The following ABCB1 variants were observed in gnomAD, a reference collection of about 807,000 sequenced individuals.
ABCB1 encodes the protein ATP binding cassette subfamily B member 1, also known as ATP-dependent translocase ABCB1.
Under a neutral mutation model 142.0 loss-of-function variants are expected in ABCB1, and 69 were observed. That is an observed-to-expected ratio of 0.49 (90% CI 0.40 to 0.59). The LOEUF (loss-of-function observed/expected upper bound fraction) is 0.59. Among genes scored for constraint, ABCB1 ranks in the 20% least tolerant of loss-of-function variants. The probability of loss-of-function intolerance (pLI) is 0.00; values close to 1 mark genes in which losing one functional copy is unlikely to be tolerated. For synonymous variants in ABCB1, 532 were observed against 539.2 expected, an observed-to-expected ratio of 0.99 and a Z score of 0.18; for missense variants, 1,326 against 1,554.7, an observed-to-expected ratio of 0.85 and a Z score of 2.47.
chr7:87,527,908 G>T (rs1815860394), intron 21 of ABCB1, among the ~76,000 whole-genome samples: 1 of 152,124 alleles, frequency 6.6e-6, no homozygotes, highest in Admixed American at 6.6e-5. Flanking sequence ...CCAAGATTGG[G>T]TAATTTATAA....
At chr7:87,640,521 A>G (rs1351580258) in intron 1 of ABCB1, among the ~76,000 whole-genome samples, 1 of 151,288 alleles carries the variant, frequency 6.6e-6, no homozygotes, top group Non-Finnish European at 1.5e-5. Context: ...TTTTTTTTTT[A>G]ATTTGTAGAT....
chr7:87,520,298 G>T (rs1000364335), intron 22 of ABCB1, among the ~76,000 whole-genome samples: 5 of 152,056 alleles, frequency 3.3e-5, no homozygotes, highest in African/African-American at 1.2e-4. Context: ...CAGAAAGGTT[G>T]GGCTTGCTTA....
intron 1 of ABCB1, among the ~76,000 whole-genome samples, chr7:87,650,558 C>T (rs560215658): frequency 6.6e-6 from 1 of 152,236 alleles, no homozygotes; most frequent in South Asian, 2.1e-4. Flanking sequence ...AATACTATTG[C>T]TTTGGAGATT....
chr7:87,596,637 G>A (rs1047332247), intron 2 of ABCB1, among the ~76,000 whole-genome samples: 1 of 152,026 alleles, frequency 6.6e-6, no homozygotes, highest in Non-Finnish European at 1.5e-5. Flanking sequence ...AACTATTTTA[G>A]AAAAGATTTG....
In ABCB1 at chr7:87,553,863, T is replaced by C; in HGVS notation, c.897A>G (p.Ile299Met). 2 of 1,614,084 alleles carry C rather than the reference T, an allele frequency of 1.2e-6. No individual in the cohort carries two copies. The highest frequency in any genetic ancestry group is 1.7e-6 in the Non-Finnish European group (2 of 1,179,942). Residue 299 changes from isoleucine (I) to methionine (M), a missense_variant, in exon 9 of 28, where the codon ATA (isoleucine) becomes ATG (methionine). Transcript: ENST00000622132. ...IKKAITANIS[I>M]GAAFLLIYAS... ...CATAGATCAGCAGGAAAGCAGCACC[T>C]ATAGAAATATTGGCTGTAATAGCTT...
intron 20 of ABCB1, among the ~76,000 whole-genome samples, chr7:87,532,051 G>A (rs1297231147): frequency 6.6e-6 from 1 of 152,154 alleles, no homozygotes; most frequent in African/African-American, 2.4e-5. Context: ...ACTTTCACTA[G>A]TGTGCACTGA....
chr7:87,510,267 A>G (rs1387590294), intron 25 of ABCB1, among the ~76,000 whole-genome samples: 2 of 152,260 alleles, frequency 1.3e-5, no homozygotes, highest in East Asian at 1.9e-4. Context: ...GAAATAAATA[A>G]CAACTATGAC....
At chr7:87,712,198 G>T (rs1830147581) in intron 1 of ABCB1, among the ~76,000 whole-genome samples, 1 of 152,014 alleles carries the variant, frequency 6.6e-6, no homozygotes, top group East Asian at 1.9e-4. Context: ...AGAAATATTT[G>T]CATAAAGTAA....
chr7:87,572,855 T>C (rs532204845), intron 4 of ABCB1, among the ~76,000 whole-genome samples: 4 of 125,414 alleles, frequency 3.2e-5, no homozygotes, highest in African/African-American at 1.2e-4. Context: ...TGAGAACACA[T>C]GGACACACAG....
In ABCB1 at chr7:87,531,494, T is replaced by C. The variant is rs2032581; in HGVS notation, c.2485A>G (p.Ile829Val). 6.2e-6 allele frequency: 10 copies of C among 1,612,766 alleles called. No homozygotes were observed. The highest frequency in any genetic ancestry group is 1.7e-5 in the Admixed American group (1 of 59,928). ...ANDAAQVKGA[I>V]GSRLAVITQN... Reference sequence around the variant, plus strand: ...GTAATTACAGCAAGCCTGGAACCTATAGCCTGCAAAACAAAACAAATTAGA... The same window carrying C: ...GTAATTACAGCAAGCCTGGAACCTACAGCCTGCAAAACAAAACAAATTAGA... Residue 829 changes from isoleucine to valine, a missense_variant, in exon 21 of 28, where the codon ATA becomes GTA. Physicochemically the swap from Ile to Val is conservative, Grantham distance 29. Coordinates refer to ENST00000622132, the MANE Select transcript of ABCB1 (RefSeq NM_001348946.2).
At chr7:87,628,685 C>T in intron 1 of ABCB1, 1 of 504,636 alleles carries the variant, frequency 2.0e-6, no homozygotes, top group Non-Finnish European at 3.1e-6. Context: ...CTGTCTTCCA[C>T]ACCCTTCCTC....
At chr7:87,686,899 T>C (rs2130622188) in intron 1 of ABCB1, among the ~76,000 whole-genome samples, 1 of 151,088 alleles carries the variant, frequency 6.6e-6, no homozygotes, top group Middle Eastern at 3.4e-3. Context: ...TGAGCCATGA[T>C]TGTGCCACTC....
chr7:87,659,819 T>G (rs978686857), intron 1 of ABCB1, among the ~76,000 whole-genome samples: 5 of 152,190 alleles, frequency 3.3e-5, no homozygotes, highest in Non-Finnish European at 5.9e-5. Context: ...TAGCCAGAGT[T>G]TTTAGTTGTA....
chr7:87,613,183 TTTTC>T (rs1819915868), intron 1 of ABCB1, among the ~76,000 whole-genome samples: 1 of 151,300 alleles, frequency 6.6e-6, no homozygotes, highest in South Asian at 2.1e-4. Flanking sequence ...GGCTTTAGGG[TTTTC>T]TAGGCATAAG....
At chr7:87,641,117 TAA>T (rs1243478121) in intron 1 of ABCB1, among the ~76,000 whole-genome samples, 2 of 152,210 alleles carry the variant, frequency 1.3e-5, no homozygotes, top group Admixed American at 6.5e-5. Context: ...CAATGTTTAT[TAA>T]GTTATTTCTT....
At chr7:87,699,047 A>G (rs1828768631) in intron 1 of ABCB1, among the ~76,000 whole-genome samples, 1 of 152,186 alleles carries the variant, frequency 6.6e-6, no homozygotes, top group Non-Finnish European at 1.5e-5. Flanking sequence ...GCTAGACATG[A>G]GTATTTTTTA....
At chr7:87,515,156 T>C (rs1815173678) in intron 25 of ABCB1, 75 bp downstream of exon 25, 1 of 1,554,766 alleles carries the variant, frequency 6.4e-7, no homozygotes, top group East Asian at 2.3e-5. Flanking sequence ...ACATGGCTTA[T>C]AGTTGAGAAT....
intron 4 of ABCB1, among the ~76,000 whole-genome samples, chr7:87,585,236 TC>T (rs1244481861): frequency 2.6e-5 from 4 of 152,168 alleles, no homozygotes; most frequent in Non-Finnish European, 5.9e-5. Flanking sequence ...CTAATTAAGT[TC>T]CTATATTTCT....
intron 1 of ABCB1, among the ~76,000 whole-genome samples, chr7:87,656,259 T>A (rs11977492): frequency 0.048 from 7,357 of 152,084 alleles, 266 homozygotes; most frequent in East Asian, 0.09. Flanking sequence ...AATTTAAAAA[T>A]TTTTAAATAA....
Sources: allele counts gnomAD v4.1 joint callset (sites outside exome capture counted in the v4.1 genomes callset), GRCh38; gene constraint gnomAD v4.1.1; transcripts MANE v1.5; gene names NCBI Gene and HGNC (gene_info 2026-07-23, HGNC 2026-07-21).